DTX1: variants seen among roughly 807,000 people sequenced by gnomAD.
DTX1 encodes the protein deltex E3 ubiquitin ligase 1.
In DTX1, 26 loss-of-function variants were observed where a neutral mutation model predicts 57.8. That is an observed-to-expected ratio of 0.45 (90% CI 0.33 to 0.62). The LOEUF is 0.62. Among genes scored for constraint, DTX1 ranks in the 20% least tolerant of loss-of-function variants. The probability of loss-of-function intolerance (pLI) is 0.02; values close to 1 mark genes in which losing one functional copy is unlikely to be tolerated. For missense variants in DTX1, 704 were observed against 895.3 expected (o/e 0.79, Z 2.73); for synonymous variants, 398 against 394.1 (o/e 1.01, Z -0.12).
chr12:113,069,272 A>ATC (rs1287185274), intron 2 of DTX1, among the ~76,000 whole-genome samples: 1 of 151,826 alleles, frequency 6.6e-6, no homozygotes, highest in Non-Finnish European at 1.5e-5. Flanking sequence ...TTTGCTAGGG[A>ATC]TCTGAATCCC....
chr12:113,097,180 A>C lies in DTX1; in HGVS notation c.*241A>C. 9 of 515,858 alleles carry C rather than the reference A, an allele frequency of 1.7e-5. No homozygotes were observed. The highest frequency in any genetic ancestry group is 3.4e-5 in the Admixed American group (1 of 29,434). 32.0% of individuals were successfully genotyped at this position (515,858 alleles called of 1,614,324 possible). On this transcript the variant is annotated 3_prime_UTR_variant, in exon 10 of 10. Transcript: ENST00000548759. The stretch of plus-strand genomic sequence containing the variant: ...GAGTACTGGAAACCTCCCTACCAAA[A>C]AGACAGAGACCCGCCCCCTCACACA...
intron 3 of DTX1, among the ~76,000 whole-genome samples, chr12:113,086,729 C>T (rs1173058828): frequency 1.3e-5 from 2 of 151,974 alleles, no homozygotes; most frequent in Non-Finnish European, 1.5e-5. Flanking sequence ...TTCTCCAGAT[C>T]TTCCATAAGT....
chr12:113,064,678 G>T (rs1211932579), intron 2 of DTX1, among the ~76,000 whole-genome samples: 1 of 152,194 alleles, frequency 6.6e-6, no homozygotes, highest in East Asian at 1.9e-4. Flanking sequence ...GTAAAATGGG[G>T]ATAAGAATAG....
chr12:113,094,126 G>GGGGGGGGGGGC, intron 6 of DTX1, 27 bp downstream of exon 6: 3 of 964,910 alleles, frequency 3.1e-6, no homozygotes, highest in Non-Finnish European at 4.9e-6. Flanking sequence ...GGGGCTGGGG[G>GGGGGGGGGGGC]AGGGCCCTGG....
At chr12:113,080,808 T>C (rs2044810700) in intron 3 of DTX1, among the ~76,000 whole-genome samples, 1 of 151,946 alleles carries the variant, frequency 6.6e-6, no homozygotes, top group South Asian at 2.1e-4. Flanking sequence ...AGACACCATC[T>C]CTACAACAAT....
intron 2 of DTX1, among the ~76,000 whole-genome samples, chr12:113,062,053 ACACACAC>A (rs2044668391): frequency 6.6e-6 from 1 of 151,970 alleles, no homozygotes; most frequent in African/African-American, 2.4e-5. Context: ...ACACACACAC[ACACACAC>A]ACACACACAC....
Position 113,079,515 on chromosome 12 carries a change from C to CTTTTTT in DTX1, c.941+1435_941+1440dup, listed in dbSNP as rs3038193. Among the ~76,000 whole-genome samples, 157 of 77,178 alleles carry CTTTTTT rather than the reference C, an allele frequency of 2.0e-3. 17 individuals are homozygous for CTTTTTT. The highest frequency in any genetic ancestry group is 5.8e-3 in the African/African-American group (96 of 16,444). 50.6% of individuals were successfully genotyped at this position (77,178 alleles called of 152,430 possible). A position where few individuals can be genotyped will look rare whatever the true frequency, so the allele number is the denominator to read the frequency against. ...TTCGAATCCCCTCTTGGCCACTTCT[C>CTTTTTT]TTTTTTTTTTTTTTTTTTTTTTTTT... On this transcript the variant is annotated intron_variant, in intron 3 of 9. Coordinates refer to ENST00000548759, the MANE Select transcript of DTX1 (RefSeq NM_004416.3).
At chr12:113,096,470 A>G (rs1210014142) in intron 9 of DTX1, among the ~76,000 whole-genome samples, 1 of 151,580 alleles carries the variant, frequency 6.6e-6, no homozygotes, top group East Asian at 1.9e-4. Context: ...AAAGAAAAAG[A>G]AAAAAAAGAA....
rs60638692 is a variant in DTX1, at chr12:113,072,044, C to T, written c.260-5380C>T. Among the ~76,000 whole-genome samples the T allele has an allele frequency of 2.2e-4, 34 of 152,316 alleles. No individual in the cohort carries two copies. In the East Asian group the frequency reaches 6.6e-3, roughly 29 times the overall value. ...CTGGCCAACGCTGATGTTGAGAATC[C>T]TCCTCCTGGCCTGAGGGTCCTCCCC... On this transcript the variant is annotated intron_variant, in intron 2 of 9. Transcript: ENST00000548759.
At position 113,078,074 on chromosome 12, in the gene DTX1, A is replaced by G. The variant is rs2044787826; in HGVS notation, c.910A>G (p.Ser304Gly). ...LNRPGPQRTT[S>G]VSARASIPPG... Reference sequence around the variant, plus strand: ...CCGGCCCGGGCCCCAGCGCACCACCAGCGTGAGCGCGCGCGCCTCCATCCC... The same window carrying G: ...CCGGCCCGGGCCCCAGCGCACCACCGGCGTGAGCGCGCGCGCCTCCATCCC... Residue 304 changes from serine (S) to glycine (G), a missense_variant, in exon 3 of 10, where the codon AGC becomes GGC. By Grantham distance (56) the Ser-to-Gly change is moderately conservative. This residue lies in a region of DTX1 where 299 missense variants were observed against 311.2 expected (regional missense o/e 0.96). Coordinates refer to ENST00000548759, the MANE Select transcript of DTX1 (RefSeq NM_004416.3). 3.6e-6 allele frequency: 5 copies of G among 1,389,726 alleles called. No homozygotes were observed. In the East Asian group the frequency reaches 1.6e-4, roughly 44 times the overall value. 86.1% of individuals were successfully genotyped at this position (1,389,726 alleles called of 1,614,324 possible).
At chr12:113,065,783 G>A (rs2136425158) in intron 2 of DTX1, among the ~76,000 whole-genome samples, 1 of 152,202 alleles carries the variant, frequency 6.6e-6, no homozygotes, top group East Asian at 1.9e-4. Flanking sequence ...GGGTGACGAG[G>A]AGGGGCCAGG....
intron 2 of DTX1, among the ~76,000 whole-genome samples, chr12:113,066,527 C>CAA (rs76083573): frequency 0.011 from 1,278 of 120,492 alleles, 7 homozygotes; most frequent in Non-Finnish European, 0.015. Context: ...GACTCCGTCT[C>CAA]AAAAAAAAAA....
rs1179288322 is a variant in DTX1, at chr12:113,093,147, C to G, written c.942-15C>G. ...GGCTGGAGTCCAGCTGCGGCCTCTT[C>G]TCTTCTCCCCGCAGGGTCCCCGCAC... On this transcript the variant is annotated splice_polypyrimidine_tract_variant and intron_variant, in intron 3 of 9. Transcript: ENST00000548759. The surrounding 1 kb of genome is among the most constrained non-coding windows in gnomAD (Gnocchi z 4.2). The G allele has an allele frequency of 2.5e-6, 4 of 1,586,464 alleles. No individual in the cohort carries two copies. Among genetic ancestry groups the G allele is most frequent in the Admixed American group, 3.5e-5 (2 of 56,536 alleles).
intron 3 of DTX1, among the ~76,000 whole-genome samples, chr12:113,088,766 G>A (rs893737457): frequency 3.3e-4 from 50 of 152,208 alleles, no homozygotes; most frequent in Non-Finnish European, 1.6e-4. Context: ...CGAGGAGGGA[G>A]GACTACTTGA....
rs576079620 is a variant in DTX1, at chr12:113,076,094, A to C, written c.260-1330A>C. 3.8e-4 allele frequency among the ~76,000 whole-genome samples: 58 copies of C among 152,174 alleles called. 1 individual carries two copies. In the South Asian group the frequency reaches 0.012, roughly 31 times the overall value. On this transcript the variant is annotated intron_variant, in intron 2 of 9. Coordinates refer to ENST00000548759, the MANE Select transcript of DTX1 (RefSeq NM_004416.3). Reference sequence around the variant, plus strand: ...TTTTTAAATAGGATGATGGTAAATGAAGGAATGTCTGAATGCCTGAATACG... The same window carrying C: ...TTTTTAAATAGGATGATGGTAAATGCAGGAATGTCTGAATGCCTGAATACG...
At chr12:113,074,464 G>A (rs1186655497) in intron 2 of DTX1, among the ~76,000 whole-genome samples, 1 of 152,244 alleles carries the variant, frequency 6.6e-6, no homozygotes, top group Non-Finnish European at 1.5e-5. Context: ...GGAACAGCAA[G>A]GAGGCCAGGG....
Position 113,077,424 on chromosome 12 carries a change from G to C in DTX1, c.260G>C (p.Gly87Ala), listed in dbSNP as rs1238987259. The C allele has an allele frequency of 6.2e-7, 1 of 1,602,390 alleles. No homozygotes were observed. Among genetic ancestry groups the C allele is most frequent in the African/African-American group, 1.3e-5 (1 of 74,716 alleles). Residue 87 changes from glycine (G) to alanine (A), a missense_variant and splice_region_variant, in exon 3 of 10, where the codon GGC becomes GCC. Gly to Ala is a moderately conservative substitution (Grantham distance 60, BLOSUM62 0). Transcript: ENST00000548759. This position sits in a 1 kb window ranked among gnomAD's most constrained non-coding sequence, Gnocchi z 7.8. Reference sequence around the variant, plus strand: ...CGCCTCCTCCCCATTTCGAGTACAGGCACCATGCGGCCCGTGCGGCGCAAC... The same window carrying C: ...CGCCTCCTCCCCATTTCGAGTACAGCCACCATGCGGCCCGTGCGGCGCAAC... ...QSMHQFRQDT[G>A]TMRPVRRNFY...
intron 9 of DTX1, 113 bp downstream of exon 9, chr12:113,095,527 C>T (rs534369520): frequency 7.3e-7 from 1 of 1,365,774 alleles, no homozygotes; most frequent in Non-Finnish European, 1.0e-6. Flanking sequence ...ACATTCCTCC[C>T]AAAAGCAGCA....
chr12:113,062,065 A>T (rs2044668638), intron 2 of DTX1, among the ~76,000 whole-genome samples: 1 of 147,744 alleles, frequency 6.8e-6, no homozygotes, highest in African/African-American at 2.6e-5. Context: ...ACACACACAC[A>T]CACACTCCAA....
Sources: gnomAD v4.1 joint callset for allele counts (sites outside exome capture counted in the v4.1 genomes callset) on GRCh38, gnomAD v4.1.1 for gene constraint, gnomAD v4.1.1 regional missense constraint, Gnocchi (gnomAD v3.1) non-coding constraint, MANE v1.5 for transcripts, NCBI Gene and HGNC (gene_info 2026-07-23, HGNC 2026-07-21) for gene names.